Variants in CRYBG1 observed in about 807,000 individuals in gnomAD.
The protein encoded by CRYBG1 is crystallin beta-gamma domain containing 1, also known as beta/gamma crystallin domain-containing protein 1.
Under a neutral mutation model 189.2 loss-of-function variants are expected in CRYBG1, and 139 were observed. That is an observed-to-expected ratio of 0.73 (90% confidence interval 0.64 to 0.85). The LOEUF (loss-of-function observed/expected upper bound fraction) is 0.85, where lower values mean the gene tolerates loss of function less well. Among genes scored for constraint, CRYBG1 ranks in the 40% least tolerant of loss-of-function variants. The pLI is 0.00. For synonymous variants in CRYBG1, 1,023 were observed against 1,017.1 expected (o/e 1.01, Z -0.11); for missense variants, 2,611 against 2,675.8 (o/e 0.98, Z 0.53).
chr6:106,561,281 C>G, intron 19 of CRYBG1, 61 bp from the exon 20 acceptor site: 4 of 1,548,530 alleles, frequency 2.6e-6, no homozygotes, highest in Non-Finnish European at 2.6e-6. Context: ...GATATTCATG[C>G]TTGTTCAGTG....
At position 106,519,162 on chromosome 6, in the gene CRYBG1, C is replaced by G; in HGVS notation, c.1954C>G (p.Leu652Val). 6.2e-7 allele frequency: 1 copy of G among 1,613,948 alleles called. No homozygotes were observed. The highest frequency in any genetic ancestry group is 8.5e-7 in the Non-Finnish European group (1 of 1,179,974). The change falls in exon 4 of 22, where the codon CTT becomes GTT. Residue 652 changes from leucine to valine, a missense_variant. This residue lies in a region of CRYBG1 where 985 missense variants were observed against 924.4 expected (regional missense o/e 1.07). Coordinates refer to ENST00000633556, the MANE Select transcript of CRYBG1 (RefSeq NM_001371242.2). ...PAKPKHVELN[L>V]KTPKNLDSLG... The stretch of plus-strand genomic sequence containing the variant: ...CAAGCCCAAACATGTGGAACTAAAT[C>G]TTAAAACCCCTAAGAATCTTGACAG...
At chr6:106,548,048 C>T (rs1455870291) in intron 13 of CRYBG1, among the ~76,000 whole-genome samples, 1 of 152,068 alleles carries the variant, frequency 6.6e-6, no homozygotes, top group African/African-American at 2.4e-5. Flanking sequence ...GCAGGTTTAC[C>T]CTGCTGCCCT....
At chr6:106,530,356 T>TTG in intron 8 of CRYBG1, 41 bp downstream of exon 8, 1 of 1,585,376 alleles carries the variant, frequency 6.3e-7, no homozygotes, top group Non-Finnish European at 8.6e-7. Flanking sequence ...TGAAGTTTTT[T>TTG]TGTGAGTGTA....
chr6:106,499,458 C>T (rs190635700), intron 2 of CRYBG1, among the ~76,000 whole-genome samples: 4,307 of 150,572 alleles, frequency 0.029, 70 homozygotes, highest in Non-Finnish European at 0.038. Flanking sequence ...CCGCACCCAG[C>T]CTGTGTGTGT....
At chr6:106,384,276 C>A (rs752197379) in intron 1 of CRYBG1, among the ~76,000 whole-genome samples, 4 of 152,144 alleles carry the variant, frequency 2.6e-5, no homozygotes, top group Non-Finnish European at 5.9e-5. Context: ...GGTCCCCAAC[C>A]TTTTTGGCAC....
At chr6:106,463,246 A>C (rs1772049685) in intron 2 of CRYBG1, among the ~76,000 whole-genome samples, 1 of 151,990 alleles carries the variant, frequency 6.6e-6, no homozygotes, top group Non-Finnish European at 1.5e-5. Flanking sequence ...AAAGAAAAAA[A>C]AAAAAACAAC....
chr6:106,388,365 AGGAAG>A (rs1333990647), intron 1 of CRYBG1, among the ~76,000 whole-genome samples: 4 of 152,162 alleles, frequency 2.6e-5, no homozygotes, highest in Non-Finnish European at 4.4e-5. Context: ...TAAGGAAAGA[AGGAAG>A]GAGAGAGTTG....
intron 1 of CRYBG1, among the ~76,000 whole-genome samples, chr6:106,402,733 C>T (rs966500979): frequency 3.3e-5 from 5 of 152,028 alleles, no homozygotes; most frequent in Admixed American, 2.6e-4. Context: ...CCGGATCATT[C>T]AGAGAATGGT....
chr6:106,466,593 C>T (rs1772119225), intron 2 of CRYBG1, among the ~76,000 whole-genome samples: 1 of 152,134 alleles, frequency 6.6e-6, no homozygotes, highest in Non-Finnish European at 1.5e-5. Context: ...TAATCTAAAC[C>T]AAGCCTTTAG....
intron 1 of CRYBG1, among the ~76,000 whole-genome samples, chr6:106,442,781 AGAGAT>A (rs1187488533): frequency 6.6e-6 from 1 of 152,208 alleles, no homozygotes; most frequent in African/African-American, 2.4e-5. Context: ...AGCCCCTTAA[AGAGAT>A]GAGATGAGAG....
chr6:106,542,659 ATTTTATTTT>A (rs2114572154), intron 10 of CRYBG1, among the ~76,000 whole-genome samples: 1 of 118,930 alleles, frequency 8.4e-6, no homozygotes, highest in East Asian at 2.2e-4. Context: ...ATTTTATTTT[ATTTTATTTT>A]GAGACAAGAG....
intron 2 of CRYBG1, among the ~76,000 whole-genome samples, chr6:106,503,331 G>A (rs920613749): frequency 5.3e-5 from 8 of 152,164 alleles, no homozygotes; most frequent in Non-Finnish European, 1.0e-4. Context: ...ACAATTACCT[G>A]GATTCTAAAG....
intron 2 of CRYBG1, among the ~76,000 whole-genome samples, chr6:106,482,000 CA>C (rs202208849): frequency 0.068 from 8,536 of 125,942 alleles, 666 homozygotes; most frequent in African/African-American, 0.22. Flanking sequence ...CTCTCCCAGT[CA>C]GGTATTTATG....
rs772228590 is a variant in CRYBG1, at chr6:106,521,028, C to G, written c.3820C>G (p.Gln1274Glu). The G allele has an allele frequency of 6.2e-7, 1 of 1,614,162 alleles. No homozygotes were observed. Residue 1274 changes from glutamine (Q) to glutamate (E), a missense_variant, in exon 4 of 22, where the codon CAG (glutamine) becomes GAG (glutamate). Coordinates refer to ENST00000633556, the MANE Select transcript of CRYBG1 (RefSeq NM_001371242.2). ...TATGACCACGGCTTTCAGTACTTCT[C>G]AGAACGGTTCCCTATCTCAGTCTTC... ...NTMTTAFSTS[Q>E]NGSLSQSSVS...
intron 2 of CRYBG1, among the ~76,000 whole-genome samples, chr6:106,490,794 A>G (rs79814366): frequency 0.023 from 3,440 of 152,334 alleles, 56 homozygotes; most frequent in Admixed American, 0.041. Flanking sequence ...TGGCTAAGGG[A>G]GCAGAAAGTA....
intron 2 of CRYBG1, among the ~76,000 whole-genome samples, chr6:106,507,937 A>C (rs557310225): frequency 2.8e-4 from 42 of 152,238 alleles, no homozygotes; most frequent in African/African-American, 1.0e-3. Context: ...AAATGACACG[A>C]GATCCCTCAT....
chr6:106,491,340 G>C (rs568456020), intron 2 of CRYBG1, among the ~76,000 whole-genome samples: 21 of 152,296 alleles, frequency 1.4e-4, no homozygotes, highest in Middle Eastern at 3.4e-3. Context: ...CCCTATAACA[G>C]AGTTAATAAT....
At position 106,541,635 on chromosome 6, in the gene CRYBG1, T is replaced by C. The variant is rs776840905; in HGVS notation, c.4881+14T>C. 3.9e-6 allele frequency: 6 copies of C among 1,557,280 alleles called. No homozygotes were observed. The highest frequency in any genetic ancestry group is 1.1e-5 in the South Asian group (1 of 88,936). The stretch of plus-strand genomic sequence containing the variant: ...ACAGATCCAAAGGTAAAAATATATA[T>C]GTATTTTTGTATGTATGTATATGTA... On this transcript the variant is annotated intron_variant, in intron 10 of 21. Transcript: ENST00000633556.
rs561466532 is a variant in CRYBG1, at chr6:106,510,539, G to C, written c.313-891G>C. ...GCAGGCGGCCCGGCACCCTCGCATA[G>C]GTGGGCCGGCCCCTGGGGCTCCAGC... On this transcript the variant is annotated intron_variant, in intron 2 of 21. Coordinates refer to ENST00000633556, the MANE Select transcript of CRYBG1 (RefSeq NM_001371242.2). Among the ~76,000 whole-genome samples, 231 of 152,372 alleles carry C rather than the reference G, an allele frequency of 1.5e-3. 1 individual carries two copies. Among genetic ancestry groups the C allele is most frequent in the African/African-American group, 5.4e-3 (224 of 41,584 alleles).
Sources: allele counts gnomAD v4.1 joint callset (sites outside exome capture counted in the v4.1 genomes callset), GRCh38; gene constraint gnomAD v4.1.1; regional missense constraint gnomAD v4.1.1; transcripts MANE v1.5; gene names NCBI Gene and HGNC (gene_info 2026-07-23, HGNC 2026-07-21).